PACS2: variants seen among roughly 807,000 people sequenced by gnomAD.
PACS2 encodes phosphofurin acidic cluster sorting protein 2, also known as PACS1-like protein.
PACS2 carries 36 observed loss-of-function variants against 113.0 expected under a neutral mutation model. The observed-to-expected ratio is 0.32, with a 90% CI of 0.24 to 0.42. The LOEUF (loss-of-function observed/expected upper bound fraction) is 0.42, where lower values mean the gene tolerates loss of function less well. Ranked by LOEUF, PACS2 falls within the 10% of genes least tolerant of loss-of-function variation. The pLI, the probability that PACS2 is intolerant of heterozygous loss-of-function variation, is 1.00. For missense variants in PACS2, 1,015 were observed against 1,239.5 expected (o/e 0.82, Z 2.72); for synonymous variants, 589 against 536.1 (o/e 1.10, Z -1.36).
chr14:105,370,533 T>G (rs1221578402), intron 8 of PACS2: 8 of 151,642 alleles, frequency 5.3e-5, no homozygotes, highest in Admixed American at 5.3e-4. Context: ...GGCAACATAG[T>G]GAAACCCCAT....
At chr14:105,342,222 G>A (rs1408643827) in intron 1 of PACS2, among the ~76,000 whole-genome samples, 1 of 150,904 alleles carries the variant, frequency 6.6e-6, no homozygotes, top group Non-Finnish European at 1.5e-5. Context: ...CAGGATCCAA[G>A]CTGCTGCCTG....
intron 8 of PACS2, chr14:105,374,786 C>A (rs1021134470): frequency 1.3e-4 from 20 of 152,192 alleles, no homozygotes; most frequent in African/African-American, 4.6e-4. Context: ...TGATGCCTGC[C>A]AAGTCTTTGA....
At position 105,354,585 on chromosome 14, in the gene PACS2, T is replaced by C. The variant is rs1555404930; in HGVS notation, c.298-467T>C. 6.6e-6 allele frequency among the ~76,000 whole-genome samples: 1 copy of C among 152,192 alleles called. No individual in the cohort carries two copies. Among genetic ancestry groups the C allele is most frequent in the Non-Finnish European group, 1.5e-5 (1 of 68,024 alleles). The stretch of plus-strand genomic sequence containing the variant: ...CTGGAGCCCTGCTGGACAGGGAGCC[T>C]GTGGTGAGACGTGCAGGCGAGTTGG... On this transcript the variant is annotated intron_variant, in intron 3 of 24. Coordinates refer to ENST00000447393, the MANE Select transcript of PACS2 (RefSeq NM_001100913.3). This position sits in a 1 kb window ranked among gnomAD's most constrained non-coding sequence, Gnocchi z 4.2.
chr14:105,332,575 G>A lies in PACS2; in HGVS notation c.120-15918G>A, dbSNP rs1001772124. On this transcript the variant is annotated intron_variant, in intron 1 of 24. Transcript: ENST00000447393. ...GAGGGCACAGGCAATGGTGGGGCTC[G>A]GTGCCTGGGGCTGAGTTGGGAAGGT... Among the ~76,000 whole-genome samples, 4 of 152,250 alleles carry A rather than the reference G, an allele frequency of 2.6e-5. No individual in the cohort carries two copies. The East Asian group carries it at 5.8e-4, about 22-fold the overall frequency.
In PACS2 at chr14:105,386,677, A is replaced by G. The variant is rs140753689; in HGVS notation, c.2033+960A>G. Among the ~76,000 whole-genome samples the G allele has an allele frequency of 6.3e-3, 958 of 152,146 alleles. 3 individuals carry two copies. The highest frequency in any genetic ancestry group is 0.022 in the African/African-American group (899 of 41,512). On this transcript the variant is annotated intron_variant, in intron 19 of 24. Transcript: ENST00000447393. The stretch of plus-strand genomic sequence containing the variant: ...GAAACCCCCCCAACCCCCTGACCTC[A>G]GTGCAGGGTAGTTGGGTCCCTGGGG...
chr14:105,347,663 T>C (rs2059992586), intron 1 of PACS2, among the ~76,000 whole-genome samples: 1 of 152,160 alleles, frequency 6.6e-6, no homozygotes, highest in African/African-American at 2.4e-5. Flanking sequence ...TTCACCCTTC[T>C]GCTGTCCTGA....
In PACS2 at chr14:105,391,741, G is replaced by A. The variant is rs1175727279; in HGVS notation, c.2230G>A (p.Val744Met). Reference sequence around the variant, plus strand: ...ACCCACCCCGCCCTCCTCCCCGTCGGTGAGCGGAGGCCTGTCCTCCCCCAG... The same window carrying A: ...ACCCACCCCGCCCTCCTCCCCGTCGATGAGCGGAGGCCTGTCCTCCCCCAG... ...ASPTPPSSPSVSGGLSSPSQG... is the reference protein window; with the variant it reads ...ASPTPPSSPSMSGGLSSPSQG... The change falls in exon 22 of 25, where the codon GTG becomes ATG. Residue 744 changes from valine to methionine, a missense_variant. Val to Met is a conservative substitution (Grantham distance 21). Transcript: ENST00000447393. The A allele has an allele frequency of 6.3e-7, 1 of 1,596,048 alleles. No individual in the cohort carries two copies. Among genetic ancestry groups the A allele is most frequent in the African/African-American group, 1.3e-5 (1 of 74,604 alleles).
chr14:105,309,776 C>CTTTTTTT (rs928875653), upstream of PACS2, among the ~76,000 whole-genome samples: 1 of 89,210 alleles, frequency 1.1e-5, no homozygotes, highest in Non-Finnish European at 2.1e-5. This position sits in a 1 kb window ranked among gnomAD's most constrained non-coding sequence, Gnocchi z 4.0. Flanking sequence ...TGATGTGTGT[C>CTTTTTTT]TTTTTTTTTT....
chr14:105,368,678 C>G, intron 7 of PACS2, 139 bp downstream of exon 7: 1 of 677,528 alleles, frequency 1.5e-6, no homozygotes. Flanking sequence ...TGGCAGACCC[C>G]CTGATTGCCA....
intron 3 of PACS2, among the ~76,000 whole-genome samples, chr14:105,353,029 C>G: frequency 8.0e-6 from 1 of 125,134 alleles, no homozygotes; most frequent in South Asian, 2.7e-4. Flanking sequence ...GGGAGACGGG[C>G]ACCCCCATCA....
intron 7 of PACS2, 78 bp from the exon 8 acceptor site, chr14:105,369,763 C>T: frequency 7.6e-7 from 1 of 1,317,880 alleles, no homozygotes; most frequent in Non-Finnish European, 1.1e-6. Flanking sequence ...TGGGTGCGGC[C>T]TGGGCCTGAG....
At chr14:105,390,346 C>G (rs2081314923) in intron 20 of PACS2, 1 of 358,182 alleles carries the variant, frequency 2.8e-6, no homozygotes, top group East Asian at 5.8e-5. Flanking sequence ...GCGCCTCTGT[C>G]CTTTAGGAGC....
intron 1 of PACS2, among the ~76,000 whole-genome samples, chr14:105,319,629 G>A (rs1313450340): frequency 6.6e-6 from 1 of 152,134 alleles, no homozygotes; most frequent in Non-Finnish European, 1.5e-5. Context: ...TTTTGCAAAA[G>A]ACAAAGTTGT....
At chr14:105,327,800 C>T (rs148482188) in intron 1 of PACS2, among the ~76,000 whole-genome samples, 1 of 152,322 alleles carries the variant, frequency 6.6e-6, no homozygotes, top group Non-Finnish European at 1.5e-5. Context: ...CCTTGACTCA[C>T]CGGCCCAGGC....
chr14:105,343,472 G>A (rs2059810004), intron 1 of PACS2, among the ~76,000 whole-genome samples: 1 of 152,200 alleles, frequency 6.6e-6, no homozygotes. Context: ...CGTTCTGCAC[G>A]TTCAGAGTAT....
chr14:105,326,918 T>G (rs1218992594), intron 1 of PACS2, among the ~76,000 whole-genome samples: 1 of 152,222 alleles, frequency 6.6e-6, no homozygotes, highest in Non-Finnish European at 1.5e-5. Context: ...TCCTGCAGTT[T>G]CCAGCTTGGC....
Position 105,384,868 on chromosome 14 carries a change from TC to T in PACS2, c.1892-6del, listed in dbSNP as rs2141261290. On this transcript the variant is annotated splice_polypyrimidine_tract_variant and intron_variant, in intron 17 of 24. Coordinates refer to ENST00000447393, the MANE Select transcript of PACS2 (RefSeq NM_001100913.3). ...ACCAGCCTAACCCCCCACCGCCTCCTCCCCCTGCAGTACAGGACACGCCAGA... is the reference window on the plus strand; with the variant it reads ...ACCAGCCTAACCCCCCACCGCCTCCTCCCCTGCAGTACAGGACACGCCAGA... The T allele has an allele frequency of 6.7e-7, 1 of 1,481,926 alleles. No homozygotes were observed. The highest frequency in any genetic ancestry group is 9.3e-7 in the Non-Finnish European group (1 of 1,079,516). 91.8% of individuals were successfully genotyped at this position (1,481,926 alleles called of 1,614,324 possible). A position where few individuals can be genotyped will look rare whatever the true frequency, so the allele number is the denominator to read the frequency against.
chr14:105,381,860 C>T (rs587752854), intron 12 of PACS2, 54 bp from the exon 13 acceptor site: 2 of 1,504,496 alleles, frequency 1.3e-6, no homozygotes, highest in East Asian at 2.4e-5. Context: ...CTGCCTCTGC[C>T]CCTGTTCCTG....
intron 12 of PACS2, 99 bp from the exon 13 acceptor site, chr14:105,381,815 C>T: frequency 1.8e-6 from 2 of 1,127,730 alleles, no homozygotes; most frequent in East Asian, 2.6e-5. Flanking sequence ...CTTCCCTGTC[C>T]CCACCACAAT....
Sources: allele counts gnomAD v4.1 joint callset (sites outside exome capture counted in the v4.1 genomes callset), GRCh38; gene constraint gnomAD v4.1.1; non-coding constraint Gnocchi (gnomAD v3.1); transcripts MANE v1.5; gene names NCBI Gene and HGNC (gene_info 2026-07-23, HGNC 2026-07-21).